Variants in AGRN observed in about 807,000 individuals in gnomAD.
The protein encoded by AGRN is agrin.
In AGRN, 106 loss-of-function variants were observed where a neutral mutation model predicts 211.0. The ratio of observed to expected loss-of-function variants is 0.50; its 90% CI spans 0.43 to 0.59. The LOEUF (loss-of-function observed/expected upper bound fraction) is 0.59. AGRN is among the 20% of genes least tolerant of loss of function. The probability of loss-of-function intolerance (pLI) is 0.00; values close to 1 mark genes in which losing one functional copy is unlikely to be tolerated. For missense variants in AGRN, 3,040 were observed against 2,982.6 expected, an observed-to-expected ratio of 1.02 and a Z score of -0.45; for synonymous variants, 1,525 against 1,332.5, an observed-to-expected ratio of 1.14 and a Z score of -3.15.
In AGRN at chr1:1,043,390, G is replaced by A. The variant is rs747376278; in HGVS notation, c.1536G>A (p.Ala512=). The A allele has an allele frequency of 5.6e-6, 9 of 1,608,374 alleles. No homozygotes were observed. The highest frequency in any genetic ancestry group is 2.7e-5 in the African/African-American group (2 of 74,780). The change falls in exon 8 of 36, where the codon GCG becomes GCA. Residue 512 remains alanine, a synonymous_variant. Transcript: ENST00000379370. ...GCGACGGCGTCACATACGGCAGCGC[G>A]TGCGAGCTGGAGGCCACGGCCTGTA... is the stretch of plus-strand genomic sequence containing the variant. ...CGSDGVTYGS[A]CELEATACTL...
At chr1:1,035,469 G>A in intron 3 of AGRN, 145 bp downstream of exon 3, 1 of 1,137,386 alleles carries the variant, frequency 8.8e-7, no homozygotes, top group Non-Finnish European at 1.3e-6. Flanking sequence ...TGTCCTGGGA[G>A]TCCGCAGCGG....
chr1:1,054,036 C>G (rs1645385442), intron 34 of AGRN, 59 bp downstream of exon 34: 2 of 1,521,282 alleles, frequency 1.3e-6, no homozygotes, highest in African/African-American at 2.8e-5. Flanking sequence ...ACTTGCCCAG[C>G]TGGGCTGTGT....
At chr1:1,028,538 C>A (rs1255232828) in intron 2 of AGRN, among the ~76,000 whole-genome samples, 3 of 141,002 alleles carry the variant, frequency 2.1e-5, no homozygotes, top group Non-Finnish European at 3.2e-5. Context: ...CCTCATGGGC[C>A]AAGGGCACCC....
chr1:1,046,248 G>T lies in AGRN; in HGVS notation c.2894G>T (p.Ser965Ile). The change falls in exon 17 of 36, where the codon AGC becomes ATC. Residue 965 changes from serine (S) to isoleucine (I), a missense_variant. Physicochemically the swap from Ser to Ile is moderately radical, Grantham distance 142. Transcript: ENST00000379370. ...CRQGLQISIQ[S>I]LGPCQEAVAP... The stretch of plus-strand genomic sequence containing the variant: ...CAGGGCCTGCAAATCTCTATCCAGA[G>T]CCTGGGCCCGTGCCAGGGTGAGGCC... The T allele has an allele frequency of 6.2e-7, 1 of 1,613,476 alleles. No homozygotes were observed.
rs866347850 is a variant in AGRN at position 1,055,401 on chromosome 1, C to T, written c.*420C>T. On this transcript the variant is annotated 3_prime_UTR_variant, in exon 36 of 36. Coordinates refer to ENST00000379370, the MANE Select transcript of AGRN (RefSeq NM_198576.4). ...GGGCCTTTCCAAGCCCCCATTTGAG[C>T]TGCTCCTTCCTGTGTGTGCTCTGGG... The T allele has an allele frequency of 6.0e-6, 2 of 330,910 alleles. No individual in the cohort carries two copies. The highest frequency in any genetic ancestry group is 1.2e-5 in the Non-Finnish European group (2 of 169,064). 20.5% of individuals were successfully genotyped at this position (330,910 alleles called of 1,614,324 possible). A position where few individuals can be genotyped will look rare whatever the true frequency, so the allele number is the denominator to read the frequency against.
At chr1:1,020,761 G>A (rs907216192) in intron 1 of AGRN, among the ~76,000 whole-genome samples, 6 of 151,722 alleles carry the variant, frequency 4.0e-5, no homozygotes, top group African/African-American at 1.5e-4. Context: ...CTTTCCCGGG[G>A]CGAGAGGGGT....
In AGRN at chr1:1,050,499, G is replaced by A; in HGVS notation, c.5049G>A (p.Lys1683=). Reference sequence around the variant, plus strand: ...GCCTCCTGCTCTACAACGGGCAGAAGACGGACGGCAAGGGGGACTTCGTGT... The same window carrying A: ...GCCTCCTGCTCTACAACGGGCAGAAAACGGACGGCAAGGGGGACTTCGTGT... The part of the protein sequence containing the change: ...PSGLLLYNGQ[K]TDGKGDFVSL... The change falls in exon 29 of 36, where the codon AAG becomes AAA. Residue 1683 remains lysine, a synonymous_variant. Transcript: ENST00000379370. 6.2e-7 allele frequency: 1 copy of A among 1,612,934 alleles called. No homozygotes were observed. The highest frequency in any genetic ancestry group is 8.5e-7 in the Non-Finnish European group (1 of 1,179,922).
chr1:1,051,491 C>G lies in AGRN; in HGVS notation c.5409C>G (p.His1803Gln), dbSNP rs192987166. ...LGGRQLLTPEHVLRQVDVTSF... is the reference protein window; with the variant it reads ...LGGRQLLTPEQVLRQVDVTSF... ...GCCGCCAGCTGCTGACCCCGGAGCA[C>G]GTGCTGCGGCAGGTGGACGTCACGT... is the stretch of plus-strand genomic sequence containing the variant. The change falls in exon 32 of 36, where the codon CAC becomes CAG. Residue 1803 changes from histidine (H) to glutamine (Q), a missense_variant. His to Gln is a conservative substitution (Grantham distance 24). Around this residue, in one of 3 missense-constraint regions of AGRN, gnomAD observed 1,537 missense variants for 1,505.0 expected, o/e 1.02. Coordinates refer to ENST00000379370, the MANE Select transcript of AGRN (RefSeq NM_198576.4). 6.4e-7 allele frequency: 1 copy of G among 1,570,166 alleles called. No homozygotes were observed. Among genetic ancestry groups the G allele is most frequent in the East Asian group, 2.3e-5 (1 of 43,618 alleles).
At chr1:1,034,177 G>T (rs1380269377) in intron 2 of AGRN, 1 of 985,264 alleles carries the variant, frequency 1.0e-6, no homozygotes, top group African/African-American at 1.7e-5. Context: ...CGGCCCCCGC[G>T]CACCTGCCGC....
chr1:1,020,307 G>A lies in AGRN; in HGVS notation c.135G>A (p.Val45=), dbSNP rs1383056288. ...AGCGGCGCGAGGAGGAGGCGAACGT[G>A]GTGCTCACCGGGACGGTGGAGGAGA... The part of the protein sequence containing the change: ...ALERREEEAN[V]VLTGTVEEIL... The change falls in exon 1 of 36, where the codon GTG becomes GTA. Residue 45 remains valine, a synonymous_variant. Transcript: ENST00000379370. 1.3e-6 allele frequency: 2 copies of A among 1,482,218 alleles called. No individual in the cohort carries two copies. Among genetic ancestry groups the A allele is most frequent in the Non-Finnish European group, 1.8e-6 (2 of 1,115,222 alleles). The allele number at this position is 1,482,218 out of a possible 1,614,324, so 91.8% of individuals were successfully genotyped here.
chr1:1,046,269 A>G lies in AGRN; in HGVS notation c.2911+4A>G. 1 of 1,613,078 alleles carries G rather than the reference A, an allele frequency of 6.2e-7. No homozygotes were observed. ...CAGAGCCTGGGCCCGTGCCAGGGTG[A>G]GGCCTGACGGCCACTGCCCCAGAAC... On this transcript the variant is annotated splice_donor_region_variant and intron_variant, in intron 17 of 35. Transcript: ENST00000379370.
At chr1:1,020,442 C>G (rs1384419188) in intron 1 of AGRN, 69 bp downstream of exon 1, 4 of 1,428,736 alleles carry the variant, frequency 2.8e-6, no homozygotes, top group South Asian at 2.6e-5. Context: ...CGCCCCAGGC[C>G]GTGGGAACCA....
chr1:1,043,500 AGGTTCCT>A, intron 8 of AGRN, 31 bp from the exon 9 acceptor site: 3 of 1,601,640 alleles, frequency 1.9e-6, no homozygotes, highest in Non-Finnish European at 2.5e-6. Context: ...GGGGAGAGAG[AGGTTCCT>A]GGTCGCCTGG....
rs775436346 is a variant in AGRN at position 1,047,938 on chromosome 1, C to T, written c.3751+43C>T. ...AGCCACAGCTTACCTGCCCCCTCCTCTGCCCATGCCCCTGCCCCTCACCCC... is the reference window on the plus strand; with the variant it reads ...AGCCACAGCTTACCTGCCCCCTCCTTTGCCCATGCCCCTGCCCCTCACCCC... On this transcript the variant is annotated intron_variant, in intron 22 of 35. Coordinates refer to ENST00000379370, the MANE Select transcript of AGRN (RefSeq NM_198576.4). 3.8e-6 allele frequency: 6 copies of T among 1,595,558 alleles called. No homozygotes were observed. The South Asian group carries it at 6.8e-5, about 18-fold the overall frequency.
At chr1:1,025,398 T>C (rs1385803877) in intron 2 of AGRN, among the ~76,000 whole-genome samples, 2 of 152,120 alleles carry the variant, frequency 1.3e-5, no homozygotes, top group African/African-American at 4.8e-5. Flanking sequence ...GGGGACAGCA[T>C]CGGTGCTGGG....
chr1:1,052,711 T>TATATGAGGGAGGC (rs1553178620), intron 33 of AGRN: 1 of 154,638 alleles, frequency 6.5e-6, no homozygotes, highest in Admixed American at 6.3e-5. Context: ...TATGTGTGTG[T>TATATGAGGGAGGC]ATATGAGGGA....
At chr1:1,033,099 G>A (rs1364358621) in intron 2 of AGRN, among the ~76,000 whole-genome samples, 1 of 152,074 alleles carries the variant, frequency 6.6e-6, no homozygotes, top group African/African-American at 2.4e-5. Flanking sequence ...TCCCGGAACG[G>A]CCTCTTGGGG....
chr1:1,050,073 G>T (rs780861647), intron 27 of AGRN, 36 bp downstream of exon 27: 31 of 1,518,890 alleles, frequency 2.0e-5, no homozygotes, highest in South Asian at 8.4e-5. Flanking sequence ...AGGGGGGGGG[G>T]GGGGGTTGAA....
chr1:1,040,318 C>T (rs1473994416), intron 3 of AGRN, among the ~76,000 whole-genome samples: 1 of 152,198 alleles, frequency 6.6e-6, no homozygotes, highest in Non-Finnish European at 1.5e-5. Context: ...CTGCTTTTCG[C>T]TGGAGGCCCA....
Sources: gnomAD v4.1 joint callset for allele counts (sites outside exome capture counted in the v4.1 genomes callset) on GRCh38, gnomAD v4.1.1 for gene constraint, gnomAD v4.1.1 regional missense constraint, MANE v1.5 for transcripts, NCBI Gene and HGNC (gene_info 2026-07-23, HGNC 2026-07-21) for gene names.